TES: variants seen among roughly 807,000 people sequenced by gnomAD.
TES encodes testin.
In TES, 41 loss-of-function variants were observed where a neutral mutation model predicts 48.2. The observed-to-expected ratio is 0.85, with a 90% CI of 0.66 to 1.10. The LOEUF (loss-of-function observed/expected upper bound fraction) is 1.10, where lower values mean the gene tolerates loss of function less well. Among genes scored for constraint, TES ranks in the 50% least tolerant of loss-of-function variants. TES has a pLI of 0.00. For synonymous variants in TES, 162 were observed against 174.9 expected, an observed-to-expected ratio of 0.93 and a Z score of 0.58; for missense variants, 463 against 515.1, an observed-to-expected ratio of 0.90 and a Z score of 0.98.
intron 6 of TES, among the ~76,000 whole-genome samples, chr7:116,252,895 A>T (rs1210230935): frequency 6.6e-6 from 1 of 152,196 alleles, no homozygotes; most frequent in African/African-American, 2.4e-5. Context: ...TGTTTTTGCT[A>T]CCTGGAGATT....
chr7:116,241,021 G>A (rs1166680923), intron 2 of TES, among the ~76,000 whole-genome samples: 1 of 152,076 alleles, frequency 6.6e-6, no homozygotes, highest in African/African-American at 2.4e-5. Flanking sequence ...CGTTTTTAAA[G>A]TTCTTCATTT....
chr7:116,242,958 A>G (rs1157609493), intron 2 of TES, among the ~76,000 whole-genome samples: 2 of 152,122 alleles, frequency 1.3e-5, no homozygotes, highest in Non-Finnish European at 2.9e-5. Flanking sequence ...AGTAAGTATG[A>G]TCTATGCTGA....
intron 6 of TES, among the ~76,000 whole-genome samples, chr7:116,254,750 A>ATG (rs1800070547): frequency 3.0e-5 from 2 of 67,636 alleles, no homozygotes; most frequent in Non-Finnish European, 5.7e-5. Flanking sequence ...CAAAAAAAAT[A>ATG]TATATATATG....
At chr7:116,251,331 A>G (rs1043109558) in intron 4 of TES, among the ~76,000 whole-genome samples, 4 of 152,234 alleles carry the variant, frequency 2.6e-5, no homozygotes, top group African/African-American at 9.6e-5. Context: ...TAATTTCAGT[A>G]GAAATTATGT....
intron 2 of TES, among the ~76,000 whole-genome samples, chr7:116,244,732 T>C (rs1271221026): frequency 1.3e-5 from 2 of 152,210 alleles, no homozygotes; most frequent in Non-Finnish European, 2.9e-5. Context: ...CACACTACCC[T>C]AGCAGTGGTT....
At chr7:116,243,853 G>T (rs543243500) in intron 2 of TES, 1 of 152,296 alleles carries the variant, frequency 6.6e-6, no homozygotes, top group Non-Finnish European at 1.5e-5. Flanking sequence ...GTTCAGCATG[G>T]CTGGGAAGTC....
intron 1 of TES, among the ~76,000 whole-genome samples, chr7:116,230,309 G>T (rs1799681803): frequency 6.6e-6 from 1 of 152,196 alleles, no homozygotes; most frequent in South Asian, 2.1e-4. Context: ...AAATGAAAGT[G>T]TTTGTGTTTG....
At chr7:116,219,795 T>C (rs565683629) in intron 1 of TES, among the ~76,000 whole-genome samples, 146 of 152,204 alleles carry the variant, frequency 9.6e-4, no homozygotes, top group Non-Finnish European at 6.9e-4. Flanking sequence ...TTTCTGAAGA[T>C]CTTTCATGTA....
In TES at chr7:116,228,328, A is replaced by G. The variant is rs148993003; in HGVS notation, c.28-6206A>G. Reference sequence around the variant, plus strand: ...TTAGGACCTTGATAGATAGTCCCAAAGCCTGACTGTAATTTCTCCCAATAT... The same window carrying G: ...TTAGGACCTTGATAGATAGTCCCAAGGCCTGACTGTAATTTCTCCCAATAT... On this transcript the variant is annotated intron_variant, in intron 1 of 6. Coordinates refer to ENST00000358204, the MANE Select transcript of TES (RefSeq NM_015641.4). Among the ~76,000 whole-genome samples, 52 of 152,296 alleles carry G rather than the reference A, an allele frequency of 3.4e-4. No individual in the cohort carries two copies. The South Asian group carries it at 4.4e-3, about 13-fold the overall frequency.
At chr7:116,247,764 C>A (rs754108114) in intron 2 of TES, among the ~76,000 whole-genome samples, 2 of 152,056 alleles carry the variant, frequency 1.3e-5, no homozygotes. Flanking sequence ...CAGTAATTTC[C>A]AAAAATACAT....
rs946931197 is a variant in TES at position 116,210,575 on chromosome 7, C to T, written c.-133C>T. ...CTGGGCGGCGGAAGTTCGACGGCGC[C>T]GGGCGAGTGGCTGTTGAGCGGCGCC... is the stretch of plus-strand genomic sequence containing the variant. On this transcript the variant is annotated 5_prime_UTR_variant, in exon 1 of 7. Coordinates refer to ENST00000358204, the MANE Select transcript of TES (RefSeq NM_015641.4). 11 of 1,031,264 alleles carry T rather than the reference C, an allele frequency of 1.1e-5. No individual in the cohort carries two copies. The highest frequency in any genetic ancestry group is 3.1e-4 in the Middle Eastern group (1 of 3,204). 63.9% of individuals were successfully genotyped at this position (1,031,264 alleles called of 1,614,324 possible).
intron 6 of TES, 71 bp from the exon 7 acceptor site, chr7:116,257,223 T>A (rs1021828973): frequency 1.1e-5 from 16 of 1,395,850 alleles, no homozygotes; most frequent in South Asian, 3.0e-5. Context: ...TAAAGAAATA[T>A]GTCCTAAGAT....
At chr7:116,245,937 C>G (rs1030942931) in intron 2 of TES, among the ~76,000 whole-genome samples, 1 of 152,104 alleles carries the variant, frequency 6.6e-6, no homozygotes, top group Admixed American at 6.5e-5. Flanking sequence ...AAACCATCAG[C>G]TCTCAAGAGA....
At chr7:116,245,100 G>A (rs766940334) in intron 2 of TES, among the ~76,000 whole-genome samples, 1 of 152,274 alleles carries the variant, frequency 6.6e-6, no homozygotes, top group South Asian at 2.1e-4. Context: ...TCTCTGACAT[G>A]CCCTGGAGAC....
intron 2 of TES, among the ~76,000 whole-genome samples, chr7:116,248,243 C>T (rs1799954438): frequency 6.6e-6 from 1 of 152,128 alleles, no homozygotes; most frequent in Non-Finnish European, 1.5e-5. Flanking sequence ...GTTGATTCCA[C>T]CATGTCTTTT....
rs777981475 is a variant in TES, at chr7:116,257,331, T to C, written c.1115T>C (p.Val372Ala). Residue 372 changes from valine (V) to alanine (A), a missense_variant, in exon 7 of 7, where the codon GTG (valine) becomes GCG (alanine). Val to Ala is a moderately conservative substitution (Grantham distance 64, BLOSUM62 0). Transcript: ENST00000358204. ...QGCHNAIDPEVQRVTYNNFSW... is the reference protein window; with the variant it reads ...QGCHNAIDPEAQRVTYNNFSW... ...TGCCACAATGCCATCGACCCAGAAGTGCAGCGGGTGACCTATAACAATTTC... is the reference window on the plus strand; with the variant it reads ...TGCCACAATGCCATCGACCCAGAAGCGCAGCGGGTGACCTATAACAATTTC... 1 of 1,613,628 alleles carries C rather than the reference T, an allele frequency of 6.2e-7. No homozygotes were observed. Among genetic ancestry groups the C allele is most frequent in the African/African-American group, 1.3e-5 (1 of 75,022 alleles).
At chr7:116,220,186 A>C (rs1799540441) in intron 1 of TES, among the ~76,000 whole-genome samples, 1 of 152,284 alleles carries the variant, frequency 6.6e-6, no homozygotes, top group East Asian at 1.9e-4. Context: ...TTGGTAATGG[A>C]ATAGAAGGTT....
chr7:116,240,905 A>T (rs1461404126), intron 2 of TES, among the ~76,000 whole-genome samples: 1 of 152,226 alleles, frequency 6.6e-6, no homozygotes, highest in African/African-American at 2.4e-5. Flanking sequence ...CTTATGGATC[A>T]TCTGATGAAA....
intron 6 of TES, among the ~76,000 whole-genome samples, chr7:116,253,355 TCTC>T (rs1330221136): frequency 4.6e-5 from 7 of 152,174 alleles, no homozygotes; most frequent in African/African-American, 1.7e-4. Context: ...AGTTATTCAT[TCTC>T]TATCAACTGT....
Sources: gnomAD v4.1 joint callset for allele counts (sites outside exome capture counted in the v4.1 genomes callset) on GRCh38, gnomAD v4.1.1 for gene constraint, MANE v1.5 for transcripts, NCBI Gene and HGNC (gene_info 2026-07-23, HGNC 2026-07-21) for gene names.